Variants in ANKRD28 observed in about 807,000 individuals in gnomAD.
ANKRD28 encodes ankyrin repeat domain 28, also known as serine/threonine-protein phosphatase 6 regulatory ankyrin repeat subunit A.
A neutral mutation model predicts 126.5 loss-of-function variants in ANKRD28; 44 were observed. The ratio of observed to expected loss-of-function variants is 0.35; its 90% CI spans 0.27 to 0.45. The LOEUF (loss-of-function observed/expected upper bound fraction) is 0.45, where lower values mean the gene tolerates loss of function less well. Ranked by LOEUF, ANKRD28 falls within the 20% of genes least tolerant of loss-of-function variation. The pLI is 1.00. For missense variants in ANKRD28, 1,110 were observed against 1,316.6 expected, an observed-to-expected ratio of 0.84 and a Z score of 2.43; for synonymous variants, 442 against 468.5, an observed-to-expected ratio of 0.94 and a Z score of 0.73.
intron 2 of ANKRD28, among the ~76,000 whole-genome samples, chr3:15,791,300 T>C (rs986460621): frequency 6.6e-6 from 1 of 151,576 alleles, no homozygotes; most frequent in African/African-American, 2.4e-5. Flanking sequence ...AGACCCAGAA[T>C]AGCCAAAGCC....
intron 2 of ANKRD28, among the ~76,000 whole-genome samples, chr3:15,783,452 G>T (rs974711721): frequency 6.6e-6 from 1 of 151,770 alleles, no homozygotes; most frequent in Non-Finnish European, 1.5e-5. Context: ...ATCAGTTTGG[G>T]AAACAGTTTG....
chr3:15,754,993 C>T (rs995091771), intron 3 of ANKRD28, among the ~76,000 whole-genome samples: 3 of 151,826 alleles, frequency 2.0e-5, no homozygotes, highest in African/African-American at 4.8e-5. Context: ...CAGCGGTGGG[C>T]GCCTGCAATC....
At position 15,852,367 on chromosome 3, in the gene ANKRD28, CTCTTAT is replaced by C. The variant is rs201391917; in HGVS notation, c.27+7004_27+7009del. Reference sequence around the variant, plus strand: ...TAAATGTAATTCTCATCTATAACAACTCTTATTCTAAGTTTCTGAATTTCTCTACTC... The same window carrying C: ...TAAATGTAATTCTCATCTATAACAACTCTAAGTTTCTGAATTTCTCTACTC... On this transcript the variant is annotated intron_variant, in intron 1 of 27. Transcript: ENST00000399451. 2.6e-5 allele frequency among the ~76,000 whole-genome samples: 4 copies of C among 152,312 alleles called. No individual in the cohort carries two copies. In the East Asian group the frequency reaches 7.7e-4, roughly 29 times the overall value.
At position 15,739,776 on chromosome 3, in the gene ANKRD28, A is replaced by T. The variant is rs151083537; in HGVS notation, c.352-2543T>A. Among the ~76,000 whole-genome samples, 880 of 152,382 alleles carry T rather than the reference A, an allele frequency of 5.8e-3. 7 individuals are homozygous for T. The highest frequency in any genetic ancestry group is 8.3e-3 in the Non-Finnish European group (563 of 68,040). On this transcript the variant is annotated intron_variant, in intron 4 of 27. Coordinates refer to ENST00000683139, the MANE Select transcript of ANKRD28 (RefSeq NM_001349278.2). ...GCCTCTGAAATAAAAAGTAGTCAGA[A>T]CAGTTTGAAACATGGGAAATAGCAC...
rs1232383029 is a variant in ANKRD28, at chr3:15,797,916, A to G, written c.-1395T>C. 4.1e-6 allele frequency: 4 copies of G among 985,306 alleles called. No individual in the cohort carries two copies. In the East Asian group the frequency reaches 4.5e-4, roughly 112 times the overall value. The allele number at this position is 985,306 out of a possible 1,614,324, so 61.0% of individuals were successfully genotyped here. A position where few individuals can be genotyped will look rare whatever the true frequency, so the allele number is the denominator to read the frequency against. On this transcript the variant is annotated 5_prime_UTR_variant, in exon 1 of 28. Coordinates refer to ENST00000683139, the MANE Select transcript of ANKRD28 (RefSeq NM_001349278.2). Reference sequence around the variant, plus strand: ...CAACGGAGCAACAGTCTGAAGAGCAAAGACTGCAGACCCACAGGATGAAAT... The same window carrying G: ...CAACGGAGCAACAGTCTGAAGAGCAGAGACTGCAGACCCACAGGATGAAAT...
At position 15,679,154 on chromosome 3, in the gene ANKRD28, AGATGCAGGT is replaced by A. The variant is rs904599792; in HGVS notation, c.2561+138_2561+146del. 3 of 670,216 alleles carry A rather than the reference AGATGCAGGT, an allele frequency of 4.5e-6. No individual in the cohort carries two copies. The African/African-American group carries it at 5.5e-5, about 12-fold the overall frequency. 41.5% of individuals were successfully genotyped at this position (670,216 alleles called of 1,614,324 possible). On this transcript the variant is annotated intron_variant, in intron 23 of 27. Transcript: ENST00000683139. ...CATGCACTTTTTTTTTTTTTGGTAGAGATGCAGGTCTTGCTATGTTGACCAGGCTGGTCT... is the reference window on the plus strand; with the variant it reads ...CATGCACTTTTTTTTTTTTTGGTAGACTTGCTATGTTGACCAGGCTGGTCT...
intron 1 of ANKRD28, among the ~76,000 whole-genome samples, chr3:15,804,325 G>T (rs1440683371): frequency 6.9e-6 from 1 of 144,796 alleles, no homozygotes; most frequent in Non-Finnish European, 1.5e-5. Context: ...GTTATTAATT[G>T]TAACTGACAT....
intron 1 of ANKRD28, among the ~76,000 whole-genome samples, chr3:15,820,783 G>T (rs1575767393): frequency 1.3e-5 from 2 of 152,038 alleles, no homozygotes; most frequent in African/African-American, 4.8e-5. Flanking sequence ...ATTATATGAT[G>T]ATATCACAAA....
chr3:15,707,337 T>C (rs1417767048), intron 14 of ANKRD28, among the ~76,000 whole-genome samples: 1 of 152,248 alleles, frequency 6.6e-6, no homozygotes, highest in Non-Finnish European at 1.5e-5. Context: ...TGAAACAGTT[T>C]ATGCATCATT....
rs1227920554 is a variant in ANKRD28 at position 15,685,440 on chromosome 3, A to C, written c.2175T>G (p.Val725=). 6.2e-7 allele frequency: 1 copy of C among 1,613,906 alleles called. No individual in the cohort carries two copies. The highest frequency in any genetic ancestry group is 1.3e-5 in the African/African-American group (1 of 75,064). ...CATCTACACATTCTTCATGGCCTGTAACTGCCTGAAAGAAAATAATTTAAA... is the reference window on the plus strand; with the variant it reads ...CATCTACACATTCTTCATGGCCTGTCACTGCCTGAAAGAAAATAATTTAAA... ...WGRTALHRGA[V]TGHEECVDAL... The change falls in exon 21 of 28, where the codon GTT becomes GTG. Residue 725 remains valine, a synonymous_variant. Coordinates refer to ENST00000683139, the MANE Select transcript of ANKRD28 (RefSeq NM_001349278.2).
At chr3:15,678,765 A>G (rs2067220816) in intron 23 of ANKRD28, among the ~76,000 whole-genome samples, 1 of 152,188 alleles carries the variant, frequency 6.6e-6, no homozygotes, top group South Asian at 2.1e-4. Flanking sequence ...TTCGAAAGAG[A>G]GGGAAAAATA....
In ANKRD28 at chr3:15,707,967, A is replaced by T; in HGVS notation, c.1504T>A (p.Cys502Ser). 6.2e-7 allele frequency: 1 copy of T among 1,613,066 alleles called. No homozygotes were observed. ...ASVNDLDERG[C>S]TPLHYAATSD... ...GTAGCTGCATAGTGCAGGGGTGTGCAGCCTCTTTCATCAAGGTCATTCACA... is the reference window on the plus strand; with the variant it reads ...GTAGCTGCATAGTGCAGGGGTGTGCTGCCTCTTTCATCAAGGTCATTCACA... Residue 502 changes from cysteine (C) to serine (S), a missense_variant, in exon 14 of 28, where the codon TGC becomes AGC. Cys to Ser is a moderately radical substitution (Grantham distance 112). Coordinates refer to ENST00000683139, the MANE Select transcript of ANKRD28 (RefSeq NM_001349278.2).
At position 15,671,578 on chromosome 3, in the gene ANKRD28, G is replaced by GTTTTT. The variant is rs869032190; in HGVS notation, c.2966-1027_2966-1023dup. Reference sequence around the variant, plus strand: ...TCAACTTGGAGTCATAAACACTATAGTTTTTTTTTTGTTTTTTTTTTTTTG... The same window carrying GTTTTT: ...TCAACTTGGAGTCATAAACACTATAGTTTTTTTTTTTTTTTGTTTTTTTTTTTTTG... On this transcript the variant is annotated intron_variant, in intron 27 of 27. Transcript: ENST00000683139. Among the ~76,000 whole-genome samples the GTTTTT allele has an allele frequency of 6.9e-4, 97 of 141,338 alleles. 2 individuals carry two copies. Among genetic ancestry groups the GTTTTT allele is most frequent in the African/African-American group, 2.6e-3 (94 of 36,832 alleles). 92.7% of individuals were successfully genotyped at this position (141,338 alleles called of 152,430 possible). A position where few individuals can be genotyped will look rare whatever the true frequency, so the allele number is the denominator to read the frequency against.
chr3:15,695,094 A>C, intron 16 of ANKRD28, 94 bp downstream of exon 16: 1 of 1,036,292 alleles, frequency 9.6e-7, no homozygotes, highest in South Asian at 1.4e-5. Flanking sequence ...ATGTAAAAAC[A>C]CTTTCAGCTC....
At chr3:15,706,498 A>G (rs1246963321) in intron 14 of ANKRD28, among the ~76,000 whole-genome samples, 2 of 152,172 alleles carry the variant, frequency 1.3e-5, no homozygotes, top group Non-Finnish European at 2.9e-5. Context: ...ATTGATGGAC[A>G]TTTGGGGTGG....
At chr3:15,825,607 G>A (rs1313302596) in intron 1 of ANKRD28, among the ~76,000 whole-genome samples, 1 of 151,654 alleles carries the variant, frequency 6.6e-6, no homozygotes, top group Non-Finnish European at 1.5e-5. Flanking sequence ...ACAAAAAAGG[G>A]GGAAAAACCC....
At chr3:15,820,959 C>T (rs1225659855) in intron 1 of ANKRD28, among the ~76,000 whole-genome samples, 1 of 152,196 alleles carries the variant, frequency 6.6e-6, no homozygotes, top group South Asian at 2.1e-4. Flanking sequence ...TTAAGGAAAT[C>T]TAGATCTGGT....
At chr3:15,844,315 A>G (rs2061485493) in intron 1 of ANKRD28, among the ~76,000 whole-genome samples, 1 of 152,188 alleles carries the variant, frequency 6.6e-6, no homozygotes, top group South Asian at 2.1e-4. Context: ...CAAGGTCAAG[A>G]CTTCTCAAGA....
intron 1 of ANKRD28, among the ~76,000 whole-genome samples, chr3:15,821,373 A>T (rs1301363440): frequency 6.6e-6 from 1 of 152,244 alleles, no homozygotes; most frequent in African/African-American, 2.4e-5. Flanking sequence ...ATCTGAAGAA[A>T]GGCTTAACCT....
Sources: allele counts gnomAD v4.1 joint callset (sites outside exome capture counted in the v4.1 genomes callset), GRCh38; gene constraint gnomAD v4.1.1; transcripts MANE v1.5; gene names NCBI Gene and HGNC (gene_info 2026-07-23, HGNC 2026-07-21).